Variants in PIK3C2G observed in about 807,000 individuals in gnomAD.
PIK3C2G encodes the protein phosphatidylinositol-4-phosphate 3-kinase catalytic subunit type 2 gamma.
PIK3C2G carries 168 observed loss-of-function variants against 181.1 expected under a neutral mutation model. The observed-to-expected ratio is 0.93, with a 90% CI of 0.82 to 1.05. PIK3C2G has a LOEUF of 1.05. PIK3C2G is among the 50% of genes least tolerant of loss of function. The probability of loss-of-function intolerance (pLI) is 0.00; values close to 1 mark genes in which losing one functional copy is unlikely to be tolerated. For synonymous variants in PIK3C2G, 573 were observed against 592.2 expected (o/e 0.97, Z 0.47); for missense variants, 1,869 against 1,732.8 (o/e 1.08, Z -1.40).
At chr12:18,580,828 A>C (rs900796739) in intron 29 of PIK3C2G, among the ~76,000 whole-genome samples, 1 of 152,188 alleles carries the variant, frequency 6.6e-6, no homozygotes, top group Non-Finnish European at 1.5e-5. Flanking sequence ...TTAAATTCAC[A>C]TTTTTACAGC....
At chr12:18,422,320 TAA>T (rs59739820) in intron 17 of PIK3C2G, among the ~76,000 whole-genome samples, 8 of 150,444 alleles carry the variant, frequency 5.3e-5, no homozygotes, top group Non-Finnish European at 1.0e-4. Flanking sequence ...TAGAAAAATT[TAA>T]AAAAAAAACA....
At chr12:18,463,924 G>A (rs1460461228) in intron 18 of PIK3C2G, among the ~76,000 whole-genome samples, 1 of 151,990 alleles carries the variant, frequency 6.6e-6, no homozygotes, top group Non-Finnish European at 1.5e-5. Context: ...TCTTTACTTG[G>A]TCTCACTTCC....
chr12:18,475,143 T>C (rs1252941396), intron 18 of PIK3C2G, among the ~76,000 whole-genome samples: 1 of 152,092 alleles, frequency 6.6e-6, no homozygotes, highest in African/African-American at 2.4e-5. Context: ...CGATAGATTA[T>C]TATAGGCTAA....
intron 31 of PIK3C2G, among the ~76,000 whole-genome samples, chr12:18,627,982 G>A (rs1447522821): frequency 1.3e-5 from 2 of 152,164 alleles, no homozygotes; most frequent in Admixed American, 1.3e-4. Context: ...TTAATCTACA[G>A]AAGTTTCCAA....
chr12:18,701,983 T>A, the PIK3C2G span, among the ~76,000 whole-genome samples: 2 of 152,172 alleles, frequency 1.3e-5, no homozygotes, highest in South Asian at 2.1e-4. Flanking sequence ...CACCAAAAAA[T>A]AAGCCTGTTA....
intron 18 of PIK3C2G, among the ~76,000 whole-genome samples, chr12:18,431,110 C>T (rs1168901537): frequency 6.6e-6 from 1 of 152,074 alleles, no homozygotes; most frequent in Non-Finnish European, 1.5e-5. Context: ...AATACGTATC[C>T]CCTAATGCCT....
upstream of PIK3C2G, among the ~76,000 whole-genome samples, chr12:18,244,186 A>G (rs1010303407): frequency 6.6e-6 from 1 of 152,030 alleles, no homozygotes; most frequent in Non-Finnish European, 1.5e-5. Context: ...GAAGAAAAAT[A>G]TATTTTACCC....
intron 32 of PIK3C2G, among the ~76,000 whole-genome samples, chr12:18,644,233 G>A (rs940776700): frequency 3.9e-5 from 6 of 152,044 alleles, no homozygotes; most frequent in Non-Finnish European, 1.5e-5. Flanking sequence ...GGCATGGCTG[G>A]TCTCAAGATG....
At chr12:18,421,475 C>A (rs1458497881) in intron 17 of PIK3C2G, among the ~76,000 whole-genome samples, 1 of 151,684 alleles carries the variant, frequency 6.6e-6, no homozygotes, top group African/African-American at 2.4e-5. Flanking sequence ...AATTTTGCCA[C>A]CAAATAGTAC....
At chr12:18,716,195 A>G in the PIK3C2G span, among the ~76,000 whole-genome samples, 1 of 152,168 alleles carries the variant, frequency 6.6e-6, no homozygotes, top group East Asian at 1.9e-4. Context: ...TCAACAGAGT[A>G]TGAGTTCTCT....
intron 25 of PIK3C2G, among the ~76,000 whole-genome samples, chr12:18,540,573 T>C (rs909554553): frequency 2.0e-5 from 3 of 151,898 alleles, no homozygotes; most frequent in African/African-American, 7.2e-5. Flanking sequence ...AAAGAGAATG[T>C]ATAGTGGTAT....
chr12:18,342,121 C>A (rs370630326), intron 9 of PIK3C2G, among the ~76,000 whole-genome samples: 1 of 152,016 alleles, frequency 6.6e-6, no homozygotes, highest in African/African-American at 2.4e-5. Context: ...CGGTGATTTT[C>A]TAATACAAGT....
chr12:18,259,009 C>T (rs1301079796), upstream of PIK3C2G, among the ~76,000 whole-genome samples: 3 of 152,070 alleles, frequency 2.0e-5, no homozygotes, highest in Non-Finnish European at 2.9e-5. Flanking sequence ...TGGCAGTTTC[C>T]TATATTTGAA....
At chr12:18,485,488 C>T (rs540589123) in intron 18 of PIK3C2G, among the ~76,000 whole-genome samples, 4 of 152,248 alleles carry the variant, frequency 2.6e-5, no homozygotes, top group South Asian at 2.1e-4. Context: ...TCTTCCTTAC[C>T]GCCTACCAAA....
intron 18 of PIK3C2G, among the ~76,000 whole-genome samples, chr12:18,453,410 T>C (rs1052453703): frequency 2.0e-4 from 30 of 152,290 alleles, no homozygotes; most frequent in African/African-American, 7.2e-4. Context: ...GCTTGGTAAA[T>C]ATTCCTCCCT....
At chr12:18,396,892 C>T (rs1159411515) in intron 15 of PIK3C2G, among the ~76,000 whole-genome samples, 1 of 151,688 alleles carries the variant, frequency 6.6e-6, no homozygotes, top group Non-Finnish European at 1.5e-5. Context: ...ATGAAAATCC[C>T]AGCAGGTTTT....
chr12:18,506,563 G>T (rs1941851236), intron 24 of PIK3C2G, among the ~76,000 whole-genome samples: 1 of 152,138 alleles, frequency 6.6e-6, no homozygotes, highest in Admixed American at 6.5e-5. Context: ...ATGAACTGGA[G>T]GAGGGGCACA....
intron 26 of PIK3C2G, among the ~76,000 whole-genome samples, chr12:18,554,512 C>A (rs1944899525): frequency 6.6e-6 from 1 of 151,134 alleles, no homozygotes; most frequent in Non-Finnish European, 1.5e-5. Context: ...CAACCAAAAT[C>A]ATCATGTGCT....
At chr12:18,325,657 G>A (rs1265103552) in intron 8 of PIK3C2G, among the ~76,000 whole-genome samples, 3 of 146,852 alleles carry the variant, frequency 2.0e-5, no homozygotes, top group African/African-American at 5.1e-5. Context: ...GCAGTGAGCC[G>A]AGATCGGGCC....
Sources: allele counts gnomAD v4.1 joint callset (sites outside exome capture counted in the v4.1 genomes callset), GRCh38; gene constraint gnomAD v4.1.1; transcripts MANE v1.5; gene names NCBI Gene and HGNC (gene_info 2026-07-23, HGNC 2026-07-21).